PRTFDC1: variants seen among roughly 807,000 people sequenced by gnomAD.
PRTFDC1 encodes the protein phosphoribosyltransferase domain-containing protein 1.
A neutral mutation model predicts 34.6 loss-of-function variants in PRTFDC1; 38 were observed. The observed-to-expected ratio is 1.10, with a 90% CI of 0.85 to 1.44. The LOEUF is 1.44. PRTFDC1 is among the 40% of genes most tolerant of loss of function. The probability of loss-of-function intolerance (pLI) is 0.00; values close to 1 mark genes in which losing one functional copy is unlikely to be tolerated. For synonymous variants in PRTFDC1, 93 were observed against 98.1 expected, an observed-to-expected ratio of 0.95 and a Z score of 0.31; for missense variants, 270 against 283.0, an observed-to-expected ratio of 0.95 and a Z score of 0.33.
intron 3 of PRTFDC1, among the ~76,000 whole-genome samples, chr10:24,902,939 G>A (rs1234023311): frequency 6.6e-6 from 1 of 152,236 alleles, no homozygotes; most frequent in Non-Finnish European, 1.5e-5. Context: ...GCTCATGCCT[G>A]TAATCCCAGC....
chr10:24,950,685 C>T (rs1849327430), intron 1 of PRTFDC1, among the ~76,000 whole-genome samples: 1 of 152,056 alleles, frequency 6.6e-6, no homozygotes, highest in African/African-American at 2.4e-5. Flanking sequence ...ACCCACCATG[C>T]TGCCTGCCCT....
At chr10:24,884,682 A>C (rs1485648136) in intron 3 of PRTFDC1, among the ~76,000 whole-genome samples, 1 of 152,222 alleles carries the variant, frequency 6.6e-6, no homozygotes, top group Non-Finnish European at 1.5e-5. Flanking sequence ...ATGTATGCTG[A>C]AGTAGGCCTG....
At chr10:24,935,666 A>G (rs1033963) in intron 3 of PRTFDC1, among the ~76,000 whole-genome samples, 54,935 of 152,076 alleles carry the variant, frequency 0.36, 12,564 homozygotes, top group African/African-American at 0.65. Context: ...GACTAGTCAG[A>G]TGACTTTGAG....
At chr10:24,883,263 A>G (rs1267142668) in intron 3 of PRTFDC1, among the ~76,000 whole-genome samples, 1 of 152,078 alleles carries the variant, frequency 6.6e-6, no homozygotes. Context: ...CTAAGACAAA[A>G]TGGCTTTCTG....
At chr10:24,932,574 G>A (rs1411870053) in intron 3 of PRTFDC1, among the ~76,000 whole-genome samples, 2 of 151,810 alleles carry the variant, frequency 1.3e-5, no homozygotes, top group East Asian at 3.8e-4. Context: ...AAATATATAA[G>A]TATATATCTA....
intron 2 of PRTFDC1, among the ~76,000 whole-genome samples, chr10:24,941,053 TG>T (rs1849147942): frequency 6.6e-6 from 1 of 151,172 alleles, no homozygotes; most frequent in African/African-American, 2.4e-5. Flanking sequence ...TGTGTGTGTG[TG>T]TGTGTGTTTG....
At chr10:24,927,549 A>G (rs1848896596) in intron 3 of PRTFDC1, among the ~76,000 whole-genome samples, 1 of 152,044 alleles carries the variant, frequency 6.6e-6, no homozygotes, top group African/African-American at 2.4e-5. Context: ...AACTGTTTGC[A>G]AAAGAGTATT....
chr10:24,869,123 G>A (rs1847835713), intron 4 of PRTFDC1, among the ~76,000 whole-genome samples: 1 of 151,970 alleles, frequency 6.6e-6, no homozygotes, highest in Non-Finnish European at 1.5e-5. Context: ...TGAATAGTGG[G>A]GCTTATTTGT....
At chr10:24,853,690 C>T (rs936663806) in intron 7 of PRTFDC1, among the ~76,000 whole-genome samples, 28 of 152,116 alleles carry the variant, frequency 1.8e-4, no homozygotes, top group African/African-American at 6.8e-4. Flanking sequence ...GCAATGCAAT[C>T]CTTCCATTAG....
intron 3 of PRTFDC1, among the ~76,000 whole-genome samples, chr10:24,931,135 C>T (rs1360294129): frequency 6.6e-6 from 1 of 151,884 alleles, no homozygotes; most frequent in Non-Finnish European, 1.5e-5. Context: ...GAAAATTAAA[C>T]AACACGAGAC....
At chr10:24,923,786 T>C (rs1298975564) in intron 3 of PRTFDC1, among the ~76,000 whole-genome samples, 1 of 152,082 alleles carries the variant, frequency 6.6e-6, no homozygotes, top group Non-Finnish European at 1.5e-5. Flanking sequence ...GGAACAAAAC[T>C]GGACAGAGAA....
intron 4 of PRTFDC1, among the ~76,000 whole-genome samples, chr10:24,860,744 T>C (rs80148878): frequency 6.6e-6 from 1 of 152,338 alleles, no homozygotes; most frequent in Non-Finnish European, 1.5e-5. Context: ...AGAGTCATAC[T>C]GCCAGGGGAG....
chr10:24,850,654 GGGAATTTATTGGT>G (rs1847470206), intron 8 of PRTFDC1, among the ~76,000 whole-genome samples: 1 of 151,954 alleles, frequency 6.6e-6, no homozygotes, highest in Non-Finnish European at 1.5e-5. Flanking sequence ...AGGGGGGAGG[GGGAATTTATTGGT>G]GGAATACTGG....
intron 2 of PRTFDC1, among the ~76,000 whole-genome samples, chr10:24,940,908 CTTTTGGGGA>C (rs1414823991): frequency 6.6e-6 from 1 of 152,092 alleles, no homozygotes; most frequent in Non-Finnish European, 1.5e-5. Flanking sequence ...TGCAAACAAA[CTTTTGGGGA>C]TGATGGAAAT....
chr10:24,902,454 T>C (rs1303458682), intron 3 of PRTFDC1, among the ~76,000 whole-genome samples: 4 of 152,166 alleles, frequency 2.6e-5, no homozygotes, highest in Non-Finnish European at 5.9e-5. Context: ...CTAGGAAATG[T>C]GTAGTTCAGG....
At chr10:24,861,103 T>C (rs759252932) in intron 4 of PRTFDC1, among the ~76,000 whole-genome samples, 11 of 152,106 alleles carry the variant, frequency 7.2e-5, no homozygotes, top group Non-Finnish European at 1.3e-4. Context: ...TAGTGGTAAG[T>C]GGGAAGTAGG....
intron 4 of PRTFDC1, among the ~76,000 whole-genome samples, chr10:24,866,711 A>G (rs1348306770): frequency 6.6e-6 from 1 of 152,128 alleles, no homozygotes; most frequent in East Asian, 1.9e-4. Flanking sequence ...GGCTCACTTT[A>G]TTCAACAGCA....
intron 3 of PRTFDC1, among the ~76,000 whole-genome samples, chr10:24,925,472 T>TA (rs1356589374): frequency 6.6e-6 from 1 of 152,162 alleles, no homozygotes; most frequent in East Asian, 1.9e-4. Flanking sequence ...AAAATATAAT[T>TA]AAAAAAATAA....
At chr10:24,892,799 A>G (rs1048880013) in intron 3 of PRTFDC1, among the ~76,000 whole-genome samples, 1 of 152,094 alleles carries the variant, frequency 6.6e-6, no homozygotes, top group African/African-American at 2.4e-5. Flanking sequence ...GGCATTTTAG[A>G]TTCTTATTTC....
Sources: gnomAD v4.1 joint callset for allele counts (sites outside exome capture counted in the v4.1 genomes callset) on GRCh38, gnomAD v4.1.1 for gene constraint, MANE v1.5 for transcripts, NCBI Gene and HGNC (gene_info 2026-07-23, HGNC 2026-07-21) for gene names.